Variants in CRY1 observed in about 807,000 individuals in gnomAD.
The protein encoded by CRY1 is cryptochrome-1.
CRY1 carries 45 observed loss-of-function variants against 76.0 expected under a neutral mutation model. The ratio of observed to expected loss-of-function variants is 0.59; its 90% CI spans 0.47 to 0.76. The LOEUF is 0.76. Ranked by LOEUF, CRY1 falls within the 30% of genes least tolerant of loss-of-function variation. CRY1 has a pLI of 0.00. For missense variants in CRY1, 587 were observed against 716.4 expected (o/e 0.82, Z 2.06); for synonymous variants, 248 against 244.0 (o/e 1.02, Z -0.15).
chr12:107,020,212 T>C (rs1296527304), intron 2 of CRY1, among the ~76,000 whole-genome samples: 2 of 144,988 alleles, frequency 1.4e-5, no homozygotes, highest in Admixed American at 6.9e-5. Flanking sequence ...GGCTAAGTAA[T>C]GCTTATTTGA....
chr12:107,053,968 C>T (rs1952953260), intron 1 of CRY1, among the ~76,000 whole-genome samples: 2 of 152,128 alleles, frequency 1.3e-5, no homozygotes, highest in Admixed American at 1.3e-4. Flanking sequence ...AGGCCAGTAT[C>T]TTCAAACAAA....
Position 106,999,882 on chromosome 12 carries a change from A to C in CRY1, c.826-20T>G. Reference sequence around the variant, plus strand: ...CTTTACCTATGGTTAAAAAGCAAAGAAGTATTATCAGAATTTTTTTTTAAA... The same window carrying C: ...CTTTACCTATGGTTAAAAAGCAAAGCAGTATTATCAGAATTTTTTTTTAAA... On this transcript the variant is annotated intron_variant, in intron 6 of 12. Coordinates refer to ENST00000008527, the MANE Select transcript of CRY1 (RefSeq NM_004075.5). The C allele has an allele frequency of 6.3e-7, 1 of 1,592,764 alleles. No homozygotes were observed. Among genetic ancestry groups the C allele is most frequent in the Non-Finnish European group, 8.5e-7 (1 of 1,173,264 alleles).
chr12:106,997,924 T>A lies in CRY1; in HGVS notation c.1280A>T (p.Asp427Val). The change falls in exon 8 of 13, where the codon GAC (aspartate) becomes GTC (valine). Residue 427 changes from aspartate (D) to valine (V), a missense_variant. Coordinates refer to ENST00000008527, the MANE Select transcript of CRY1 (RefSeq NM_004075.5). The part of the protein sequence containing the change: ...GFGRRTDPNG[D>V]YIRRYLPVLR... ...ATCACCCTTGATTTACCTGATATAGTCTCCATTGGGATCTGTTCTCCTACC... is the reference window on the plus strand; with the variant it reads ...ATCACCCTTGATTTACCTGATATAGACTCCATTGGGATCTGTTCTCCTACC... The A allele has an allele frequency of 1.2e-6, 2 of 1,613,596 alleles. No individual in the cohort carries two copies. The highest frequency in any genetic ancestry group is 2.2e-5 in the South Asian group (2 of 90,924).
chr12:107,033,340 A>C (rs1952698758), intron 1 of CRY1, among the ~76,000 whole-genome samples: 2 of 152,306 alleles, frequency 1.3e-5, no homozygotes, highest in South Asian at 4.1e-4. Flanking sequence ...GGAATAGATA[A>C]TTCTATTTTT....
At chr12:107,020,399 C>T (rs1326542743) in intron 2 of CRY1, among the ~76,000 whole-genome samples, 2 of 152,096 alleles carry the variant, frequency 1.3e-5, no homozygotes, top group East Asian at 3.9e-4. Flanking sequence ...GATCTATGTC[C>T]TCACCCAAAT....
At chr12:107,023,744 C>T in intron 1 of CRY1, among the ~76,000 whole-genome samples, 1 of 152,166 alleles carries the variant, frequency 6.6e-6, no homozygotes, top group East Asian at 1.9e-4. Context: ...ACCTTTCTAT[C>T]CCCACATTTA....
At chr12:107,078,744 C>A (rs1953287876) in intron 1 of CRY1, among the ~76,000 whole-genome samples, 1 of 152,104 alleles carries the variant, frequency 6.6e-6, no homozygotes, top group African/African-American at 2.4e-5. Context: ...CCTCACCTAC[C>A]TATGGTCTAT....
At chr12:107,022,052 A>T in intron 2 of CRY1, 32 bp downstream of exon 2, 2 of 1,455,554 alleles carry the variant, frequency 1.4e-6, no homozygotes, top group Non-Finnish European at 1.9e-6. Flanking sequence ...ATCTGAGAAA[A>T]GATTGTTTTA....
At chr12:107,001,447 A>G in intron 4 of CRY1, 79 bp from the exon 5 acceptor site, 1 of 1,229,454 alleles carries the variant, frequency 8.1e-7, no homozygotes, top group South Asian at 1.4e-5. Context: ...AGAACAAATT[A>G]CTTTGCAGAA....
At chr12:107,091,481 G>A (rs1953472095) in intron 1 of CRY1, among the ~76,000 whole-genome samples, 1 of 151,952 alleles carries the variant, frequency 6.6e-6, no homozygotes, top group Non-Finnish European at 1.5e-5. Context: ...CTGGATGAAT[G>A]CCAACAGCTT....
chr12:107,058,920 TA>T (rs758126160), intron 1 of CRY1, among the ~76,000 whole-genome samples: 2 of 152,208 alleles, frequency 1.3e-5, no homozygotes, highest in East Asian at 1.9e-4. Context: ...ATTTGGAATC[TA>T]ATCAATCACG....
rs567839487 is a variant in CRY1 at position 107,070,022 on chromosome 12, C to T, written c.158+22782G>A. On this transcript the variant is annotated intron_variant, in intron 1 of 12. Transcript: ENST00000008527. ...ACATAAGGATATGAGAAGACTCATG[C>T]ATTGTTAGTGGGAATATAGACTTGT... is the stretch of plus-strand genomic sequence containing the variant. 4.7e-4 allele frequency among the ~76,000 whole-genome samples: 72 copies of T among 152,176 alleles called. No individual in the cohort carries two copies. The South Asian group carries it at 7.3e-3, about 15-fold the overall frequency.
chr12:107,078,183 T>C (rs1023722132), intron 1 of CRY1, among the ~76,000 whole-genome samples: 1 of 152,170 alleles, frequency 6.6e-6, no homozygotes, highest in Non-Finnish European at 1.5e-5. Context: ...CAACTTAACT[T>C]TTATCCCTTT....
rs771776351 is a variant in CRY1, at chr12:106,997,402, A to G, written c.1493-16T>C. 6.2e-7 allele frequency: 1 copy of G among 1,612,470 alleles called. No homozygotes were observed. Among genetic ancestry groups the G allele is most frequent in the Non-Finnish European group, 8.5e-7 (1 of 1,179,372 alleles). On this transcript the variant is annotated splice_polypyrimidine_tract_variant and intron_variant, in intron 9 of 12. Coordinates refer to ENST00000008527, the MANE Select transcript of CRY1 (RefSeq NM_004075.5). Reference sequence around the variant, plus strand: ...GCCAGAAGACCTAAAGGACAAAAAAATTTTCTTTTAAATTATGATCAAGAT... The same window carrying G: ...GCCAGAAGACCTAAAGGACAAAAAAGTTTTCTTTTAAATTATGATCAAGAT...
intron 1 of CRY1, among the ~76,000 whole-genome samples, chr12:107,041,931 G>A (rs774914131): frequency 1.7e-4 from 26 of 152,058 alleles, no homozygotes; most frequent in Admixed American, 1.3e-3. Flanking sequence ...CCGGGGCTGC[G>A]GAAAGGAAAA....
Position 107,092,903 on chromosome 12 carries a change from G to C in CRY1, c.59C>G (p.Ala20Gly). ...RKGLRLHDNP[A>G]LKECIQGADT... Reference sequence around the variant, plus strand: ...GGCGCCCTGAATGCACTCCTTCAGGGCGGGGTTGTCGTGGAGCCGGAGCCC... The same window carrying C: ...GGCGCCCTGAATGCACTCCTTCAGGCCGGGGTTGTCGTGGAGCCGGAGCCC... The change falls in exon 1 of 13, where the codon GCC (alanine) becomes GGC (glycine). Residue 20 changes from alanine (A) to glycine (G), a missense_variant. Coordinates refer to ENST00000008527, the MANE Select transcript of CRY1 (RefSeq NM_004075.5). 1 of 1,608,886 alleles carries C rather than the reference G, an allele frequency of 6.2e-7. No homozygotes were observed. Among genetic ancestry groups the C allele is most frequent in the Non-Finnish European group, 8.5e-7 (1 of 1,178,682 alleles).
chr12:107,018,607 G>A (rs968741169), intron 2 of CRY1, among the ~76,000 whole-genome samples: 2 of 151,522 alleles, frequency 1.3e-5, no homozygotes, highest in African/African-American at 4.8e-5. Flanking sequence ...AATAAAAATA[G>A]AAATAATTAA....
chr12:107,036,740 C>T (rs1952737472), intron 1 of CRY1, among the ~76,000 whole-genome samples: 1 of 152,116 alleles, frequency 6.6e-6, no homozygotes, highest in African/African-American at 2.4e-5. Flanking sequence ...GTGAGCATGC[C>T]AGAAATGCTC....
intron 1 of CRY1, among the ~76,000 whole-genome samples, chr12:107,044,135 T>G (rs1415695133): frequency 3.3e-5 from 5 of 151,982 alleles, no homozygotes; most frequent in Admixed American, 3.3e-4. Flanking sequence ...CAAAACAGGG[T>G]CATGAGACCC....
Sources: allele counts gnomAD v4.1 joint callset (sites outside exome capture counted in the v4.1 genomes callset), GRCh38; gene constraint gnomAD v4.1.1; transcripts MANE v1.5; gene names NCBI Gene and HGNC (gene_info 2026-07-23, HGNC 2026-07-21).